ANKHD1: variants seen among roughly 807,000 people sequenced by gnomAD.
The protein encoded by ANKHD1 is ankyrin repeat and KH domain-containing protein 1.
In ANKHD1, 31 loss-of-function variants were observed where a neutral mutation model predicts 230.5. The ratio of observed to expected loss-of-function variants is 0.13; its 90% confidence interval spans 0.10 to 0.18. ANKHD1 has a LOEUF of 0.18. Among genes scored for constraint, ANKHD1 ranks in the 10% least tolerant of loss-of-function variants. The pLI, the probability that ANKHD1 is intolerant of heterozygous loss-of-function variation, is 1.00. For missense variants in ANKHD1, 2,256 were observed against 3,071.3 expected, an observed-to-expected ratio of 0.73 and a Z score of 6.27; for synonymous variants, 1,074 against 1,117.6, an observed-to-expected ratio of 0.96 and a Z score of 0.78.
chr5:140,515,574 G>A (rs1327300121), intron 24 of ANKHD1, among the ~76,000 whole-genome samples: 1 of 152,160 alleles, frequency 6.6e-6, no homozygotes, highest in Non-Finnish European at 1.5e-5. Context: ...GGTTCTCCCA[G>A]CACGCAGCTG....
At chr5:140,444,934 A>G (rs1004808346) in intron 5 of ANKHD1, among the ~76,000 whole-genome samples, 19 of 152,076 alleles carry the variant, frequency 1.2e-4, no homozygotes, top group African/African-American at 4.1e-4. Context: ...CTTTCCAGAA[A>G]GTCTTTTGTA....
chr5:140,507,636 C>T lies in ANKHD1; in HGVS notation c.3552-149C>T, dbSNP rs1441894463. On this transcript the variant is annotated intron_variant, in intron 19 of 33. Transcript: ENST00000360839. The surrounding 1 kb of genome is among the most constrained non-coding windows in gnomAD (Gnocchi z 4.1). ...ATTATGTTTTAAATTGTGACATTTT[C>T]TTATTCTTTATTATTGGTCGAAACA... 4.9e-6 allele frequency: 5 copies of T among 1,029,088 alleles called. No individual in the cohort carries two copies. Among genetic ancestry groups the T allele is most frequent in the Non-Finnish European group, 6.9e-6 (5 of 727,708 alleles). 63.7% of individuals were successfully genotyped at this position (1,029,088 alleles called of 1,614,324 possible).
At chr5:140,497,984 A>G (rs1752114070) in intron 15 of ANKHD1, 1 of 151,934 alleles carries the variant, frequency 6.6e-6, no homozygotes, top group Admixed American at 6.6e-5. Flanking sequence ...GAAAATTACA[A>G]CTAGATATGA....
chr5:140,453,586 A>G (rs984264677), intron 7 of ANKHD1, among the ~76,000 whole-genome samples: 1 of 152,238 alleles, frequency 6.6e-6, no homozygotes, highest in Non-Finnish European at 1.5e-5. Flanking sequence ...AGAATTTTCA[A>G]CCCAGAATTT....
At chr5:140,454,768 C>T (rs1775030648) in intron 7 of ANKHD1, among the ~76,000 whole-genome samples, 1 of 152,108 alleles carries the variant, frequency 6.6e-6, no homozygotes, top group Admixed American at 6.6e-5. Flanking sequence ...CAGGAAAGAT[C>T]TAAAATTGAC....
At chr5:140,413,870 T>G (rs1771138201) in intron 1 of ANKHD1, among the ~76,000 whole-genome samples, 1 of 152,090 alleles carries the variant, frequency 6.6e-6, no homozygotes, top group Admixed American at 6.6e-5. Context: ...AACCTCCACC[T>G]CCTGGGTTCA....
chr5:140,538,853 G>A, intron 32 of ANKHD1, 66 bp from the exon 33 acceptor site: 1 of 1,349,870 alleles, frequency 7.4e-7, no homozygotes, highest in Non-Finnish European at 9.6e-7. Context: ...CTGGTATTAT[G>A]GGATTTATAG....
At chr5:140,441,939 A>G (rs1286428855) in intron 5 of ANKHD1, among the ~76,000 whole-genome samples, 1 of 151,928 alleles carries the variant, frequency 6.6e-6, no homozygotes, top group African/African-American at 2.4e-5. Context: ...TTTATCTTCA[A>G]TACAATACTC....
intron 10 of ANKHD1, among the ~76,000 whole-genome samples, chr5:140,474,379 TCCTC>T (rs1355645625): frequency 1.3e-5 from 2 of 152,304 alleles, no homozygotes; most frequent in East Asian, 3.9e-4. Context: ...TTAGAGAATG[TCCTC>T]CCTCCAACTC....
chr5:140,470,499 T>C (rs1406780132), intron 10 of ANKHD1, among the ~76,000 whole-genome samples: 1 of 151,796 alleles, frequency 6.6e-6, no homozygotes, highest in Non-Finnish European at 1.5e-5. Flanking sequence ...TCATCTCGCT[T>C]GTTTGTATTT....
chr5:140,467,323 T>G (rs565933624), intron 10 of ANKHD1, among the ~76,000 whole-genome samples: 2 of 152,342 alleles, frequency 1.3e-5, no homozygotes, highest in Non-Finnish European at 2.9e-5. Context: ...ATATTGATTT[T>G]AAGTTTTAAA....
chr5:140,495,524 C>T (rs749333714), intron 14 of ANKHD1, among the ~76,000 whole-genome samples: 7 of 152,112 alleles, frequency 4.6e-5, no homozygotes, highest in African/African-American at 1.4e-4. Context: ...GGATTACAGG[C>T]GTGAGCCACT....
chr5:140,519,102 A>C (rs557822150), intron 24 of ANKHD1, among the ~76,000 whole-genome samples: 2 of 152,372 alleles, frequency 1.3e-5, no homozygotes, highest in East Asian at 3.9e-4. Context: ...AGGATACAAA[A>C]TCAATGTACA....
At position 140,539,548 on chromosome 5, in the gene ANKHD1, G is replaced by C; in HGVS notation, c.*130G>C. The C allele has an allele frequency of 9.9e-7, 1 of 1,009,666 alleles. No homozygotes were observed. Among genetic ancestry groups the C allele is most frequent in the Admixed American group, 2.6e-5 (1 of 38,210 alleles). The allele number at this position is 1,009,666 out of a possible 1,614,324, so 62.5% of individuals were successfully genotyped here. ...AGCAATGGAAATTTGATTGCCCATT[G>C]TATAAGAACAAATTGATTTCCTATC... On this transcript the variant is annotated 3_prime_UTR_variant, in exon 34 of 34. Transcript: ENST00000360839.
chr5:140,538,144 A>G lies in ANKHD1; in HGVS notation c.7287A>G (p.Leu2429=). ...GGAACCATCCAATGCATCAACAATTATCAGACCCAAGCACATTCTCCCAAC... is the reference window on the plus strand; with the variant it reads ...GGAACCATCCAATGCATCAACAATTGTCAGACCCAAGCACATTCTCCCAAC... ...VMGNHPMHQQ[L]SDPSTFSQHQ... The change falls in exon 32 of 34, where the codon TTA becomes TTG. Residue 2429 remains leucine (L), a synonymous_variant. Coordinates refer to ENST00000360839, the MANE Select transcript of ANKHD1 (RefSeq NM_017747.3). The G allele has an allele frequency of 6.2e-7, 1 of 1,614,176 alleles. No homozygotes were observed. The highest frequency in any genetic ancestry group is 8.5e-7 in the Non-Finnish European group (1 of 1,180,014).
chr5:140,419,454 C>CT (rs144115557), intron 1 of ANKHD1, among the ~76,000 whole-genome samples: 2,052 of 131,532 alleles, frequency 0.016, 24 homozygotes, highest in African/African-American at 0.028. Context: ...TTCTTTCTTT[C>CT]TTTTTTTTTT....
At chr5:140,457,032 A>C (rs1206065281) in intron 7 of ANKHD1, among the ~76,000 whole-genome samples, 1 of 152,200 alleles carries the variant, frequency 6.6e-6, no homozygotes, top group Non-Finnish European at 1.5e-5. Context: ...CCCCATCAAA[A>C]AGTGGACAAA....
At chr5:140,492,420 T>G (rs1751848538) in intron 14 of ANKHD1, among the ~76,000 whole-genome samples, 1 of 152,200 alleles carries the variant, frequency 6.6e-6, no homozygotes, top group African/African-American at 2.4e-5. Context: ...GAGGAATATT[T>G]AGACATAAAG....
chr5:140,450,713 A>C (rs1309265555), intron 7 of ANKHD1, among the ~76,000 whole-genome samples: 2 of 152,008 alleles, frequency 1.3e-5, no homozygotes, highest in Non-Finnish European at 2.9e-5. Context: ...CTAACTTTTA[A>C]ATTTTTTGTA....
Sources: allele counts gnomAD v4.1 joint callset (sites outside exome capture counted in the v4.1 genomes callset), GRCh38; gene constraint gnomAD v4.1.1; non-coding constraint Gnocchi (gnomAD v3.1); transcripts MANE v1.5; gene names NCBI Gene and HGNC (gene_info 2026-07-23, HGNC 2026-07-21).